The following UQCRB variants were observed in gnomAD, a reference collection of about 807,000 sequenced individuals.
UQCRB encodes ubiquinol-cytochrome c reductase binding protein, also known as cytochrome b-c1 complex subunit 7.
A neutral mutation model predicts 19.8 loss-of-function variants in UQCRB; 12 were observed. The observed-to-expected ratio is 0.61, with a 90% CI of 0.39 to 0.98. UQCRB has a LOEUF of 0.98. Ranked by LOEUF, UQCRB falls within the 50% of genes least tolerant of loss-of-function variation. The pLI is 0.00. For synonymous variants in UQCRB, 39 were observed against 42.9 expected (o/e 0.91, Z 0.35); for missense variants, 142 against 131.8 (o/e 1.08, Z -0.38).
At position 96,226,868 on chromosome 8, in the gene UQCRB, C is replaced by T. The variant is rs922797598; in HGVS notation, c.*4187G>A. 2 of 452,404 alleles carry T rather than the reference C, an allele frequency of 4.4e-6. No individual in the cohort carries two copies. The highest frequency in any genetic ancestry group is 4.0e-5 in the African/African-American group (2 of 49,904). 28.0% of individuals were successfully genotyped at this position (452,404 alleles called of 1,614,324 possible). A position where few individuals can be genotyped will look rare whatever the true frequency, so the allele number is the denominator to read the frequency against. ...TCTGGAATATTAACAGGCTTTCTGA[C>T]ATCTATGCTAAAAATTAACCACCGT... On this transcript the variant is annotated 3_prime_UTR_variant, in exon 4 of 4. Transcript: ENST00000287022.
In UQCRB at chr8:96,230,052, T is replaced by A. The variant is rs1165130580; in HGVS notation, c.*1003A>T. The A allele has an allele frequency of 2.2e-6, 1 of 454,090 alleles. No homozygotes were observed. The highest frequency in any genetic ancestry group is 1.6e-5 in the South Asian group (1 of 64,478). 28.1% of individuals were successfully genotyped at this position (454,090 alleles called of 1,614,324 possible). A position where few individuals can be genotyped will look rare whatever the true frequency, so the allele number is the denominator to read the frequency against. On this transcript the variant is annotated 3_prime_UTR_variant, in exon 4 of 4. Transcript: ENST00000287022. ...TCTACCAAAGAAAGCATTTCAGAAT[T>A]TAGGAGTGGAAATGATGACAACATT...
chr8:96,227,599 T>C lies in UQCRB; in HGVS notation c.*3456A>G. 1 of 454,164 alleles carries C rather than the reference T, an allele frequency of 2.2e-6. No homozygotes were observed. Among genetic ancestry groups the C allele is most frequent in the Non-Finnish European group, 4.4e-6 (1 of 226,786 alleles). The allele number at this position is 454,164 out of a possible 1,614,324, so 28.1% of individuals were successfully genotyped here. A position where few individuals can be genotyped will look rare whatever the true frequency, so the allele number is the denominator to read the frequency against. On this transcript the variant is annotated 3_prime_UTR_variant, in exon 4 of 4. Coordinates refer to ENST00000287022, the MANE Select transcript of UQCRB (RefSeq NM_006294.5). ...CATCAAGCTGTCAAGGATTTGGTTA[T>C]GACAATCTTCATGTTCACCTAACTT...
rs748287899 is a variant in UQCRB, at chr8:96,229,913, G to A, written c.*1142C>T. 6 of 453,960 alleles carry A rather than the reference G, an allele frequency of 1.3e-5. No individual in the cohort carries two copies. Among genetic ancestry groups the A allele is most frequent in the South Asian group, 9.3e-5 (6 of 64,480 alleles). The allele number at this position is 453,960 out of a possible 1,614,324, so 28.1% of individuals were successfully genotyped here. A position where few individuals can be genotyped will look rare whatever the true frequency, so the allele number is the denominator to read the frequency against. On this transcript the variant is annotated 3_prime_UTR_variant, in exon 4 of 4. Coordinates refer to ENST00000287022, the MANE Select transcript of UQCRB (RefSeq NM_006294.5). ...ACAAATTCGTTTTTCACACTGTTTT[G>A]TTATTTGAGGTAAGGCATTCCTGCC...
chr8:96,235,191 T>C (rs1809779112), intron 1 of UQCRB: 1 of 519,472 alleles, frequency 1.9e-6, no homozygotes, highest in Non-Finnish European at 3.5e-6. Context: ...CATCCACTAG[T>C]TATCCTCTTG....
At chr8:96,235,416 G>A (rs2129831129) in intron 1 of UQCRB, 96 bp downstream of exon 1, 1 of 1,550,214 alleles carries the variant, frequency 6.5e-7, no homozygotes, top group South Asian at 1.1e-5. Flanking sequence ...CGACAAACTT[G>A]GCCACTTACA....
rs934306382 is a variant in UQCRB, at chr8:96,227,432, A to G, written c.*3623T>C. ...CATCGCCACCTAGTGGCAGAATTTC[A>G]TGCCTTGTTCTAATAAAGGGATTTT... On this transcript the variant is annotated 3_prime_UTR_variant, in exon 4 of 4. Transcript: ENST00000287022. The G allele has an allele frequency of 6.6e-6, 3 of 454,012 alleles. No homozygotes were observed. The highest frequency in any genetic ancestry group is 6.8e-4 in the Middle Eastern group (1 of 1,466). 28.1% of individuals were successfully genotyped at this position (454,012 alleles called of 1,614,324 possible). A position where few individuals can be genotyped will look rare whatever the true frequency, so the allele number is the denominator to read the frequency against.
rs1365966582 is a variant in UQCRB at position 96,229,788 on chromosome 8, GGTTCCTA to G, written c.*1260_*1266del. 2.2e-6 allele frequency: 1 copy of G among 453,610 alleles called. No homozygotes were observed. The highest frequency in any genetic ancestry group is 2.4e-5 in the Admixed American group (1 of 42,528). 28.1% of individuals were successfully genotyped at this position (453,610 alleles called of 1,614,324 possible). ...AAGGAAAAAAAAAAGCGGGGGAGGG[GGTTCCTA>G]GAGAATTTAAGAGGCTAATATTTTA... On this transcript the variant is annotated 3_prime_UTR_variant, in exon 4 of 4. Transcript: ENST00000287022.
Position 96,223,222 on chromosome 8 carries a change from T to G in UQCRB, c.*7833A>C, listed in dbSNP as rs1464544859. On this transcript the variant is annotated 3_prime_UTR_variant, in exon 4 of 4. Transcript: ENST00000287022. ...AAAGTACTATCGTGGTAATGGATAT[T>G]TTAATTTGCTTGCCTGTAGTAATCA... is the stretch of plus-strand genomic sequence containing the variant. 6.6e-6 allele frequency among the ~76,000 whole-genome samples: 1 copy of G among 152,230 alleles called. No homozygotes were observed. The highest frequency in any genetic ancestry group is 2.1e-4 in the South Asian group (1 of 4,830).
chr8:96,230,252 T>C lies in UQCRB; in HGVS notation c.*803A>G, dbSNP rs1235936562. The C allele has an allele frequency of 2.4e-6, 1 of 424,086 alleles. No individual in the cohort carries two copies. Among genetic ancestry groups the C allele is most frequent in the South Asian group, 1.7e-5 (1 of 59,160 alleles). The allele number at this position is 424,086 out of a possible 1,614,324, so 26.3% of individuals were successfully genotyped here. Reference sequence around the variant, plus strand: ...CATCACGCCTAGCTAATTTTTTGTATTTTTAGTAGAGACAGGGTTTCACCA... The same window carrying C: ...CATCACGCCTAGCTAATTTTTTGTACTTTTAGTAGAGACAGGGTTTCACCA... On this transcript the variant is annotated 3_prime_UTR_variant, in exon 4 of 4. Coordinates refer to ENST00000287022, the MANE Select transcript of UQCRB (RefSeq NM_006294.5).
At position 96,224,389 on chromosome 8, in the gene UQCRB, C is replaced by T. The variant is rs937654045; in HGVS notation, c.*6666G>A. Among the ~76,000 whole-genome samples, 1 of 152,142 alleles carries T rather than the reference C, an allele frequency of 6.6e-6. No individual in the cohort carries two copies. Among genetic ancestry groups the T allele is most frequent in the Non-Finnish European group, 1.5e-5 (1 of 68,012 alleles). On this transcript the variant is annotated 3_prime_UTR_variant, in exon 4 of 4. Transcript: ENST00000287022. Reference sequence around the variant, plus strand: ...CTGCCCTCTCTTGCAGGTGGCCACCCTCCCCACACTGGCTGGCCAAGCCCA... The same window carrying T: ...CTGCCCTCTCTTGCAGGTGGCCACCTTCCCCACACTGGCTGGCCAAGCCCA...
In UQCRB at chr8:96,226,981, A is replaced by C. The variant is rs1809538567; in HGVS notation, c.*4074T>G. Reference sequence around the variant, plus strand: ...TAACTTAGAGGCACTATCCGACCTGAGATCTCAGATTCTAACATGTTATGG... The same window carrying C: ...TAACTTAGAGGCACTATCCGACCTGCGATCTCAGATTCTAACATGTTATGG... On this transcript the variant is annotated 3_prime_UTR_variant, in exon 4 of 4. Transcript: ENST00000287022. The C allele has an allele frequency of 2.2e-6, 1 of 453,956 alleles. No homozygotes were observed. Among genetic ancestry groups the C allele is most frequent in the Non-Finnish European group, 4.4e-6 (1 of 226,782 alleles). The allele number at this position is 453,956 out of a possible 1,614,324, so 28.1% of individuals were successfully genotyped here.
Position 96,226,732 on chromosome 8 carries a change from C to G in UQCRB, c.*4323G>C, listed in dbSNP as rs952718220. ...TTAAAATTACATTTTTACATTTATG[C>G]AAAAATAGGCACATGTATTCAAACA... On this transcript the variant is annotated 3_prime_UTR_variant, in exon 4 of 4. Coordinates refer to ENST00000287022, the MANE Select transcript of UQCRB (RefSeq NM_006294.5). 2.7e-6 allele frequency: 1 copy of G among 367,322 alleles called. No homozygotes were observed. Among genetic ancestry groups the G allele is most frequent in the Non-Finnish European group, 5.3e-6 (1 of 190,382 alleles). The allele number at this position is 367,322 out of a possible 1,614,324, so 22.8% of individuals were successfully genotyped here.
chr8:96,231,122 T>C lies in UQCRB; in HGVS notation c.269A>G (p.Tyr90Cys). Residue 90 changes from tyrosine to cysteine, a missense_variant, in exon 4 of 4, where the codon TAC becomes TGC. Physicochemically the swap from Tyr to Cys is radical, Grantham distance 194. Transcript: ENST00000287022. Reference protein sequence around the residue: ...QWTKYEEENFYLEPYLKEVIR... With the variant: ...QWTKYEEENFCLEPYLKEVIR... ...AACCTCTTTCAGATACGGTTCAAGG[T>C]AGAAATTTTCCTAAAGAATGAATGA... 1 of 1,614,098 alleles carries C rather than the reference T, an allele frequency of 6.2e-7. No individual in the cohort carries two copies. Among genetic ancestry groups the C allele is most frequent in the Non-Finnish European group, 8.5e-7 (1 of 1,180,006 alleles).
rs1206453141 is a variant in UQCRB at position 96,230,605 on chromosome 8, G to A, written c.*450C>T. The A allele has an allele frequency of 2.2e-6, 1 of 455,172 alleles. No individual in the cohort carries two copies. The highest frequency in any genetic ancestry group is 2.3e-5 in the Admixed American group (1 of 42,604). 28.2% of individuals were successfully genotyped at this position (455,172 alleles called of 1,614,324 possible). Reference sequence around the variant, plus strand: ...TATTACTTAAGTATGCCTATGTTGGGGTGCAGACATAATTTCTTTTTAAAT... The same window carrying A: ...TATTACTTAAGTATGCCTATGTTGGAGTGCAGACATAATTTCTTTTTAAAT... On this transcript the variant is annotated 3_prime_UTR_variant, in exon 4 of 4. Coordinates refer to ENST00000287022, the MANE Select transcript of UQCRB (RefSeq NM_006294.5).
Position 96,227,067 on chromosome 8 carries a change from C to T in UQCRB, c.*3988G>A, listed in dbSNP as rs1286918868. The T allele has an allele frequency of 8.8e-6, 4 of 453,354 alleles. No individual in the cohort carries two copies. Among genetic ancestry groups the T allele is most frequent in the East Asian group, 1.4e-4 (2 of 14,400 alleles). The allele number at this position is 453,354 out of a possible 1,614,324, so 28.1% of individuals were successfully genotyped here. On this transcript the variant is annotated 3_prime_UTR_variant, in exon 4 of 4. Coordinates refer to ENST00000287022, the MANE Select transcript of UQCRB (RefSeq NM_006294.5). ...ACAAATTATGGCATATAAATTAAAA[C>T]ATTTAAAATATTTTAACATCTATAG...
In UQCRB at chr8:96,227,449, A is replaced by G. The variant is rs1563533928; in HGVS notation, c.*3606T>C. On this transcript the variant is annotated 3_prime_UTR_variant, in exon 4 of 4. Coordinates refer to ENST00000287022, the MANE Select transcript of UQCRB (RefSeq NM_006294.5). ...AGAATTTCATGCCTTGTTCTAATAA[A>G]GGGATTTTCCTTGTTTTCCAAAGAG... is the stretch of plus-strand genomic sequence containing the variant. 2.2e-6 allele frequency: 1 copy of G among 454,100 alleles called. No homozygotes were observed. 28.1% of individuals were successfully genotyped at this position (454,100 alleles called of 1,614,324 possible).
At position 96,234,447 on chromosome 8, in the gene UQCRB, A is replaced by T. The variant is rs753998402; in HGVS notation, c.19+1065T>A. 40 of 1,264,936 alleles carry T rather than the reference A, an allele frequency of 3.2e-5. No homozygotes were observed. In the South Asian group the frequency reaches 5.0e-4, roughly 16 times the overall value. The allele number at this position is 1,264,936 out of a possible 1,614,324, so 78.4% of individuals were successfully genotyped here. A position where few individuals can be genotyped will look rare whatever the true frequency, so the allele number is the denominator to read the frequency against. ...CAGAAGTGATCCCACCCAAGGTCAG[A>T]GTTAGCTAATGGGAGTTGAGATCTG... is the stretch of plus-strand genomic sequence containing the variant. On this transcript the variant is annotated intron_variant, in intron 1 of 3. Coordinates refer to ENST00000287022, the MANE Select transcript of UQCRB (RefSeq NM_006294.5).
Position 96,231,653 on chromosome 8 carries a change from CTCACA to C in UQCRB, c.258+116_258+120del, listed in dbSNP as rs773303502. The C allele has an allele frequency of 3.0e-5, 44 of 1,458,476 alleles. No homozygotes were observed. In the East Asian group the frequency reaches 7.9e-4, roughly 26 times the overall value. The allele number at this position is 1,458,476 out of a possible 1,614,324, so 90.3% of individuals were successfully genotyped here. Reference sequence around the variant, plus strand: ...CGGAAATAACATTTGCTTTATTAACCTCACATATTTATTTGACATGACTCAGAGAA... The same window carrying C: ...CGGAAATAACATTTGCTTTATTAACCTATTTATTTGACATGACTCAGAGAA... On this transcript the variant is annotated intron_variant, in intron 3 of 3. Coordinates refer to ENST00000287022, the MANE Select transcript of UQCRB (RefSeq NM_006294.5).
Position 96,231,093 on chromosome 8 carries a change from G to A in UQCRB, c.298C>T (p.Arg100Trp), listed in dbSNP as rs199583530. ...CATTCTTCTCTTTCTTTTCTTTCCCGAATAACCTCTTTCAGATACGGTTCA... is the reference window on the plus strand; with the variant it reads ...CATTCTTCTCTTTCTTTTCTTTCCCAAATAACCTCTTTCAGATACGGTTCA... The part of the protein sequence containing the change: ...YLEPYLKEVI[R>W]ERKEREEWAK... Residue 100 changes from arginine to tryptophan, a missense_variant, in exon 4 of 4, where the codon CGG becomes TGG. Transcript: ENST00000287022. 2.4e-5 allele frequency: 38 copies of A among 1,613,710 alleles called. No individual in the cohort carries two copies. Among genetic ancestry groups the A allele is most frequent in the Non-Finnish European group, 2.9e-5 (34 of 1,179,946 alleles).
Sources: allele counts gnomAD v4.1 joint callset (sites outside exome capture counted in the v4.1 genomes callset), GRCh38; gene constraint gnomAD v4.1.1; transcripts MANE v1.5; gene names NCBI Gene and HGNC (gene_info 2026-07-23, HGNC 2026-07-21).